XPO1: variants seen among roughly 807,000 people sequenced by gnomAD.
XPO1 encodes exportin-1.
XPO1 carries 5 observed loss-of-function variants against 133.3 expected under a neutral mutation model. That is an observed-to-expected ratio of 0.04 (90% CI 0.02 to 0.08). XPO1 has a LOEUF of 0.08. XPO1 is among the 10% of genes least tolerant of loss of function. The probability of loss-of-function intolerance (pLI) is 1.00; values close to 1 mark genes in which losing one functional copy is unlikely to be tolerated. For synonymous variants in XPO1, 419 were observed against 408.2 expected, an observed-to-expected ratio of 1.03 and a Z score of -0.32; for missense variants, 506 against 1,267.5, an observed-to-expected ratio of 0.40 and a Z score of 9.12.
intron 10 of XPO1, among the ~76,000 whole-genome samples, 156 bp from the exon 11 acceptor site, chr2:61,495,769 C>T (rs12713437): frequency 0.63 from 95,676 of 151,794 alleles, 30,298 homozygotes; most frequent in Middle Eastern, 0.71. Flanking sequence ...CCTCCTAGGC[C>T]CAATCAGTCC....
intron 4 of XPO1, among the ~76,000 whole-genome samples, chr2:61,514,593 TA>T (rs562982187): frequency 6.2e-3 from 782 of 125,798 alleles, no homozygotes; most frequent in African/African-American, 8.8e-3. Flanking sequence ...ACTCTGTCTT[TA>T]AAAAAAAAAA....
chr2:61,533,272 G>C (rs952426799), intron 2 of XPO1, among the ~76,000 whole-genome samples: 1 of 152,078 alleles, frequency 6.6e-6, no homozygotes, highest in Admixed American at 6.6e-5. Context: ...TCACCTTTTA[G>C]TTGGGTTCAA....
chr2:61,481,878 G>C (rs1468498717), intron 23 of XPO1, among the ~76,000 whole-genome samples: 4 of 151,802 alleles, frequency 2.6e-5, no homozygotes, highest in Admixed American at 6.6e-5. Context: ...TGGGATTTCA[G>C]GCACCCACCA....
chr2:61,482,704 C>T (rs1248640368), intron 22 of XPO1, 165 bp from the exon 23 acceptor site: 1 of 782,840 alleles, frequency 1.3e-6, no homozygotes, highest in Non-Finnish European at 1.9e-6. Context: ...CTCCTCGGTC[C>T]AAGCCATTCT....
chr2:61,500,634 A>G (rs1024244432), intron 6 of XPO1, among the ~76,000 whole-genome samples: 9 of 149,612 alleles, frequency 6.0e-5, no homozygotes, highest in Middle Eastern at 3.5e-3. Flanking sequence ...CCCCGTCTCT[A>G]CTAAAAATAC....
intron 4 of XPO1, among the ~76,000 whole-genome samples, chr2:61,502,836 G>A (rs7577979): frequency 6.6e-6 from 1 of 151,976 alleles, no homozygotes; most frequent in Admixed American, 6.6e-5. Flanking sequence ...TAAACTCATA[G>A]ACTCAAGTGA....
chr2:61,514,863 T>C (rs1490401789), intron 4 of XPO1, among the ~76,000 whole-genome samples: 1 of 151,824 alleles, frequency 6.6e-6, no homozygotes, highest in Non-Finnish European at 1.5e-5. Context: ...TCACCTGAGG[T>C]CGGGAGTTTG....
Position 61,490,768 on chromosome 2 carries a change from C to T in XPO1, c.1896G>A (p.Thr632=), listed in dbSNP as rs1186280863. The T allele has an allele frequency of 1.7e-5, 28 of 1,612,372 alleles. No individual in the cohort carries two copies. The highest frequency in any genetic ancestry group is 1.6e-4 in the Middle Eastern group (1 of 6,080). Residue 632 remains threonine, a synonymous_variant, in exon 17 of 25, where the codon ACG becomes ACA. Transcript: ENST00000401558. ...ICDLQPQQVH[T]FYEAVGYMIG... Reference sequence around the variant, plus strand: ...TCATGTACCCCACAGCTTCATAAAACGTATGAACCTATTTTAAAAAGCAGA... The same window carrying T: ...TCATGTACCCCACAGCTTCATAAAATGTATGAACCTATTTTAAAAAGCAGA...
chr2:61,487,806 G>C (rs1444944633), intron 19 of XPO1, among the ~76,000 whole-genome samples: 1 of 152,164 alleles, frequency 6.6e-6, no homozygotes, highest in Non-Finnish European at 1.5e-5. Context: ...AAGAGGTAAA[G>C]TAATGACAAC....
intron 18 of XPO1, 82 bp from the exon 19 acceptor site, chr2:61,488,353 AT>A: frequency 7.3e-7 from 1 of 1,366,392 alleles, no homozygotes; most frequent in Non-Finnish European, 1.0e-6. Context: ...ATGCAATTCC[AT>A]TTTACCATTA....
At chr2:61,502,457 A>T (rs970583587) in intron 4 of XPO1, 147 bp from the exon 5 acceptor site, 12 of 798,000 alleles carry the variant, frequency 1.5e-5, no homozygotes, top group African/African-American at 1.2e-4. Context: ...TTGGCATTTT[A>T]AAAAAATTCC....
At chr2:61,488,024 GACT>G (rs111674543) in intron 19 of XPO1, 138 bp downstream of exon 19, 81,819 of 698,348 alleles carry the variant, frequency 0.12, 5,184 homozygotes, top group African/African-American at 0.15. Flanking sequence ...TTAACGTAAG[GACT>G]ACAATAAATA....
intron 24 of XPO1, chr2:61,480,427 G>T (rs1290916328): frequency 1.3e-5 from 2 of 151,124 alleles, no homozygotes; most frequent in Non-Finnish European, 2.9e-5. Context: ...ATACAGCTGT[G>T]CGCCACCACG....
At chr2:61,512,564 T>C (rs1698146948) in intron 4 of XPO1, among the ~76,000 whole-genome samples, 2 of 152,196 alleles carry the variant, frequency 1.3e-5, no homozygotes. Context: ...ACAATGGCAA[T>C]TCTCTATATT....
At chr2:61,516,100 T>C (rs909080023) in intron 4 of XPO1, among the ~76,000 whole-genome samples, 26 of 149,168 alleles carry the variant, frequency 1.7e-4, no homozygotes, top group Non-Finnish European at 3.3e-4. Context: ...CACTCCAGCC[T>C]GGGCGACAGA....
chr2:61,494,439 CAAT>C (rs1019236584), intron 11 of XPO1: 8 of 203,378 alleles, frequency 3.9e-5, no homozygotes, highest in African/African-American at 7.2e-5. Context: ...AATATTCATA[CAAT>C]GAGAATATTC....
intron 1 of XPO1, chr2:61,536,287 A>C (rs1699351732): frequency 6.6e-6 from 1 of 152,254 alleles, no homozygotes; most frequent in Admixed American, 6.5e-5. Context: ...AACCGCTTCC[A>C]AAACATTCTT....
intron 4 of XPO1, among the ~76,000 whole-genome samples, chr2:61,506,843 T>C (rs1697843441): frequency 6.6e-6 from 1 of 152,032 alleles, no homozygotes; most frequent in African/African-American, 2.4e-5. Flanking sequence ...CTAAATAAAT[T>C]AGTGGGTCTC....
chr2:61,500,715 C>G (rs1485984420), intron 6 of XPO1, among the ~76,000 whole-genome samples: 1 of 151,970 alleles, frequency 6.6e-6, no homozygotes, highest in Non-Finnish European at 1.5e-5. Flanking sequence ...AGGAGAATTG[C>G]TTGAACCTGG....
Sources: allele counts gnomAD v4.1 joint callset (sites outside exome capture counted in the v4.1 genomes callset), GRCh38; gene constraint gnomAD v4.1.1; transcripts MANE v1.5; gene names NCBI Gene and HGNC (gene_info 2026-07-23, HGNC 2026-07-21).